CS: variants seen among roughly 807,000 people sequenced by gnomAD.
CS encodes the protein citrate synthase, mitochondrial.
Under a neutral mutation model 61.4 loss-of-function variants are expected in CS, and 13 were observed. The ratio of observed to expected loss-of-function variants is 0.21; its 90% confidence interval spans 0.14 to 0.34. CS has a LOEUF of 0.34. CS is among the 10% of genes least tolerant of loss of function. The pLI, the probability that CS is intolerant of heterozygous loss-of-function variation, is 1.00. For synonymous variants in CS, 159 were observed against 215.2 expected (o/e 0.74, Z 2.29); for missense variants, 278 against 573.4 (o/e 0.48, Z 5.26).
chr12:56,273,210 C>A lies in CS; in HGVS notation c.1275G>T (p.Gly425=). Residue 425 remains glycine, a synonymous_variant, in exon 11 of 11, where the codon GGG becomes GGT. Coordinates refer to ENST00000351328, the MANE Select transcript of CS (RefSeq NM_004077.3). The part of the protein sequence containing the change: ...TEMNYYTVLF[G]VSRALGVLAQ... The stretch of plus-strand genomic sequence containing the variant: ...CCAGTACACCCAATGCTCGTGACAC[C>A]CCAAACAGGACCGTGTAGTAATTCA... 6.2e-7 allele frequency: 1 copy of A among 1,614,090 alleles called. No individual in the cohort carries two copies. Among genetic ancestry groups the A allele is most frequent in the Non-Finnish European group, 8.5e-7 (1 of 1,180,002 alleles).
chr12:56,291,004 G>A (rs1873104932), intron 1 of CS, among the ~76,000 whole-genome samples: 2 of 152,146 alleles, frequency 1.3e-5, no homozygotes, highest in African/African-American at 2.4e-5. Flanking sequence ...CTAAATGAAC[G>A]TTCTGCCACC....
chr12:56,278,917 G>A (rs963534033), intron 6 of CS, among the ~76,000 whole-genome samples: 2 of 152,006 alleles, frequency 1.3e-5, no homozygotes, highest in Non-Finnish European at 2.9e-5. Context: ...GGGATTACAG[G>A]TGTGCACCAG....
chr12:56,273,919 G>A (rs1872568706), intron 9 of CS, 123 bp from the exon 10 acceptor site: 5 of 777,336 alleles, frequency 6.4e-6, no homozygotes, highest in South Asian at 3.2e-5. Flanking sequence ...CGGCAGCCTC[G>A]ACCTCCCAGG....
At chr12:56,287,062 G>A (rs920716497) in intron 1 of CS, among the ~76,000 whole-genome samples, 5 of 152,172 alleles carry the variant, frequency 3.3e-5, no homozygotes, top group Admixed American at 1.3e-4. Flanking sequence ...GCAGAGGGCA[G>A]CCTTTCATAA....
At chr12:56,291,353 C>CT (rs879317710) in intron 1 of CS, 24,266 of 671,500 alleles carry the variant, frequency 0.036, 2 homozygotes, top group Non-Finnish European at 0.04. Context: ...TTCTTTCTTT[C>CT]TTTTTTTTTT....
At chr12:56,293,155 T>C (rs1472705774) in intron 1 of CS, among the ~76,000 whole-genome samples, 1 of 152,108 alleles carries the variant, frequency 6.6e-6, no homozygotes, top group Non-Finnish European at 1.5e-5. Flanking sequence ...ATAGGTTATT[T>C]TCCTCTTACT....
intron 1 of CS, 27 bp downstream of exon 1, chr12:56,300,133 G>A (rs888544496): frequency 8.4e-6 from 13 of 1,553,264 alleles, no homozygotes; most frequent in South Asian, 4.7e-5. Context: ...ACCCTGGGAC[G>A]GCGTGCTCCC....
At chr12:56,300,104 C>T in intron 1 of CS, 56 bp downstream of exon 1, 1 of 1,529,546 alleles carries the variant, frequency 6.5e-7, no homozygotes, top group South Asian at 1.2e-5. Context: ...GCCGGAGGGC[C>T]TGCGGTCGCC....
At chr12:56,287,252 G>A (rs998457595) in intron 1 of CS, among the ~76,000 whole-genome samples, 2 of 152,086 alleles carry the variant, frequency 1.3e-5, no homozygotes, top group Admixed American at 6.6e-5. Context: ...AAGCTGAGGC[G>A]GTGGATCACC....
rs1873451989 is a variant in CS, at chr12:56,300,320, G to A, written c.-119C>T. The A allele has an allele frequency of 8.8e-7, 1 of 1,135,272 alleles. No individual in the cohort carries two copies. Among genetic ancestry groups the A allele is most frequent in the Non-Finnish European group, 1.2e-6 (1 of 801,502 alleles). 70.3% of individuals were successfully genotyped at this position (1,135,272 alleles called of 1,614,324 possible). A position where few individuals can be genotyped will look rare whatever the true frequency, so the allele number is the denominator to read the frequency against. On this transcript the variant is annotated 5_prime_UTR_variant, in exon 1 of 11. Transcript: ENST00000351328. ...GACGGGTTGACAAGGTTGAAAGGAGGCGGCTGAAGGAAAGAGTAGACGAAC... is the reference window on the plus strand; with the variant it reads ...GACGGGTTGACAAGGTTGAAAGGAGACGGCTGAAGGAAAGAGTAGACGAAC...
chr12:56,286,010 A>G lies in CS; in HGVS notation c.107T>C (p.Ile36Thr). 1 of 1,613,776 alleles carries G rather than the reference A, an allele frequency of 6.2e-7. No individual in the cohort carries two copies. ...ASASSTNLKD[I>T]LADLIPKEQA... The stretch of plus-strand genomic sequence containing the variant: ...CTCCTTAGGTATCAGGTCAGCCAAT[A>G]TGTCTTTCAAATTCTAAAAAGAAAA... Residue 36 changes from isoleucine to threonine, a missense_variant, in exon 3 of 11, where the codon ATA becomes ACA. By Grantham distance (89) the Ile-to-Thr change is moderately conservative. Coordinates refer to ENST00000351328, the MANE Select transcript of CS (RefSeq NM_004077.3).
At chr12:56,275,948 CCCA>C (rs745741812) in intron 7 of CS, 45 bp downstream of exon 7, 1 of 1,555,900 alleles carries the variant, frequency 6.4e-7, no homozygotes, top group Admixed American at 1.7e-5. Flanking sequence ...AAAAAAATTT[CCCA>C]CCAATTGAGG....
At chr12:56,288,346 ATT>A (rs1164867172) in intron 1 of CS, among the ~76,000 whole-genome samples, 57 of 123,128 alleles carry the variant, frequency 4.6e-4, no homozygotes, top group African/African-American at 7.9e-4. Flanking sequence ...GCTTTTTAGA[ATT>A]TTTTTTTTTT....
chr12:56,286,407 T>C (rs1033346281), intron 2 of CS, 188 bp downstream of exon 2: 36 of 572,166 alleles, frequency 6.3e-5, no homozygotes, highest in Non-Finnish European at 1.1e-4. Context: ...CATCTCACTA[T>C]ACCACTGAGT....
At chr12:56,283,442 G>A (rs1426455765) in intron 4 of CS, among the ~76,000 whole-genome samples, 1 of 151,872 alleles carries the variant, frequency 6.6e-6, no homozygotes, top group Non-Finnish European at 1.5e-5. Flanking sequence ...ACAGGGTTTC[G>A]CCGTGTTAGC....
chr12:56,276,091 G>T lies in CS; in HGVS notation c.693C>A (p.Asp231Glu). The T allele has an allele frequency of 2.5e-6, 4 of 1,614,158 alleles. No individual in the cohort carries two copies. Among genetic ancestry groups the T allele is most frequent in the Non-Finnish European group, 3.4e-6 (4 of 1,180,028 alleles). ...AATTGTGAGACCAGTCCAGGTTAGAGTCAATGGCCCCAATACCGCTGCCTT... is the reference window on the plus strand; with the variant it reads ...AATTGTGAGACCAGTCCAGGTTAGATTCAATGGCCCCAATACCGCTGCCTT... ...YREGSGIGAI[D>E]SNLDWSHNFT... The change falls in exon 7 of 11, where the codon GAC becomes GAA. Residue 231 changes from aspartate to glutamate, a missense_variant. Physicochemically the swap from Asp to Glu is conservative, Grantham distance 45 (BLOSUM62 2). Transcript: ENST00000351328.
chr12:56,272,343 G>A lies in CS; in HGVS notation c.*741C>T, dbSNP rs771015254. ...CCACAGATCTGTTGAGAGGTCTCTA[G>A]TAGGGACCAAGAGGGGGAGGTCCAG... On this transcript the variant is annotated 3_prime_UTR_variant, in exon 11 of 11. Coordinates refer to ENST00000351328, the MANE Select transcript of CS (RefSeq NM_004077.3). The A allele has an allele frequency of 6.4e-6, 1 of 157,114 alleles. No individual in the cohort carries two copies. Among genetic ancestry groups the A allele is most frequent in the Admixed American group, 6.3e-5 (1 of 15,782 alleles). The allele number at this position is 157,114 out of a possible 1,614,324, so 9.7% of individuals were successfully genotyped here. A position where few individuals can be genotyped will look rare whatever the true frequency, so the allele number is the denominator to read the frequency against.
At chr12:56,292,546 C>T (rs902596535) in intron 1 of CS, among the ~76,000 whole-genome samples, 3 of 151,690 alleles carry the variant, frequency 2.0e-5, no homozygotes, top group Non-Finnish European at 2.9e-5. Flanking sequence ...GGTGTACTCT[C>T]GTGGCAAAAC....
chr12:56,282,016 G>A (rs1378417411), intron 6 of CS, among the ~76,000 whole-genome samples: 2 of 152,056 alleles, frequency 1.3e-5, no homozygotes, highest in Admixed American at 1.3e-4. Flanking sequence ...CCGGCATCAC[G>A]CCTGGCTAAT....
Sources: gnomAD v4.1 joint callset for allele counts (sites outside exome capture counted in the v4.1 genomes callset) on GRCh38, gnomAD v4.1.1 for gene constraint, MANE v1.5 for transcripts, NCBI Gene and HGNC (gene_info 2026-07-23, HGNC 2026-07-21) for gene names.